TENM4: variants seen among roughly 807,000 people sequenced by gnomAD.
TENM4 encodes teneurin-4.
A neutral mutation model predicts 243.3 loss-of-function variants in TENM4; 82 were observed. The observed-to-expected ratio is 0.34, with a 90% CI of 0.28 to 0.40. TENM4 has a LOEUF of 0.40. Among genes scored for constraint, TENM4 ranks in the 10% least tolerant of loss-of-function variants. The pLI is 1.00. For missense variants in TENM4, 3,138 were observed against 3,673.3 expected (o/e 0.85, Z 3.77); for synonymous variants, 1,412 against 1,456.3 (o/e 0.97, Z 0.69).
chr11:79,176,953 A>C (rs1863171513), intron 3 of TENM4, among the ~76,000 whole-genome samples: 1 of 152,030 alleles, frequency 6.6e-6, no homozygotes, highest in Non-Finnish European at 1.5e-5. Flanking sequence ...TGAAAGGATA[A>C]CATTGCTTTT....
At chr11:78,813,802 C>T (rs1236021903) in intron 13 of TENM4, among the ~76,000 whole-genome samples, 1 of 152,162 alleles carries the variant, frequency 6.6e-6, no homozygotes, top group Non-Finnish European at 1.5e-5. Context: ...AAAAAAGTGG[C>T]CTGGCCTCCT....
chr11:79,002,057 C>A (rs909635726), intron 6 of TENM4, among the ~76,000 whole-genome samples: 1 of 151,794 alleles, frequency 6.6e-6, no homozygotes, highest in African/African-American at 2.4e-5. Flanking sequence ...TGCAAGCATA[C>A]CCCACTGCAC....
chr11:78,748,488 G>A (rs1238669848), intron 19 of TENM4, among the ~76,000 whole-genome samples: 2 of 152,180 alleles, frequency 1.3e-5, no homozygotes, highest in Non-Finnish European at 2.9e-5. Context: ...AGGGCCAGGT[G>A]GGGTGCTAGG....
chr11:79,015,636 G>T (rs1357901379), intron 6 of TENM4, among the ~76,000 whole-genome samples: 2 of 152,116 alleles, frequency 1.3e-5, no homozygotes, highest in Non-Finnish European at 2.9e-5. Context: ...AAGAACCAGA[G>T]AAAGGCGAAA....
In TENM4 at chr11:78,812,144, G is replaced by A. The variant is rs2136101525; in HGVS notation, c.1956C>T (p.Tyr652=). 1 of 1,551,518 alleles carries A rather than the reference G, an allele frequency of 6.4e-7. No homozygotes were observed. The highest frequency in any genetic ancestry group is 1.2e-5 in the South Asian group (1 of 84,044). ...TACCTTCCTCACAGCTCTCGCCCTT[G>A]TAGCCAGGGTTGCAGATGCAGGTGC... ...ITGTCICNPG[Y]KGESCEEVDC... is the part of the protein sequence containing the mutation. Residue 652 remains tyrosine, a synonymous_variant, in exon 14 of 34, where the codon TAC becomes TAT. Coordinates refer to ENST00000278550, the MANE Select transcript of TENM4 (RefSeq NM_001098816.3).
intron 4 of TENM4, among the ~76,000 whole-genome samples, chr11:79,081,289 A>G (rs867275095): frequency 1.3e-5 from 2 of 152,300 alleles, no homozygotes; most frequent in South Asian, 2.1e-4. Context: ...AGGCCCAGAG[A>G]AGATGCTCTG....
At chr11:78,902,978 C>T (rs184475243) in intron 7 of TENM4, among the ~76,000 whole-genome samples, 193 of 152,312 alleles carry the variant, frequency 1.3e-3, no homozygotes, top group Admixed American at 0.012. Context: ...AACATCATGG[C>T]CATTGTGTAG....
intron 6 of TENM4, among the ~76,000 whole-genome samples, chr11:78,915,072 C>A (rs936173843): frequency 6.6e-6 from 1 of 152,240 alleles, no homozygotes; most frequent in African/African-American, 2.4e-5. Context: ...CAGGGTAGCA[C>A]CCCATAGCTC....
intron 12 of TENM4, 131 bp downstream of exon 12, chr11:78,853,973 G>C (rs1321098454): frequency 1.1e-6 from 1 of 875,170 alleles, no homozygotes. Context: ...AGTCAGGAGG[G>C]TCTCGTGCCA....
chr11:78,908,403 A>C (rs1856111302), intron 6 of TENM4, among the ~76,000 whole-genome samples: 1 of 152,250 alleles, frequency 6.6e-6, no homozygotes, highest in African/African-American at 2.4e-5. Flanking sequence ...GGTAACTATT[A>C]ATTCCACAAT....
intron 6 of TENM4, among the ~76,000 whole-genome samples, chr11:78,987,998 G>A (rs1367140595): frequency 6.6e-6 from 1 of 152,184 alleles, no homozygotes; most frequent in African/African-American, 2.4e-5. Flanking sequence ...GTTGAAGATG[G>A]ATGCTGCTGA....
chr11:78,769,064 C>T (rs1856597895), intron 18 of TENM4, among the ~76,000 whole-genome samples: 1 of 152,232 alleles, frequency 6.6e-6, no homozygotes, highest in Non-Finnish European at 1.5e-5. Context: ...AGATGTTCAA[C>T]AGCTGTTTAA....
At chr11:78,879,756 C>T (rs1043076888) in intron 9 of TENM4, among the ~76,000 whole-genome samples, 18 of 150,478 alleles carry the variant, frequency 1.2e-4, no homozygotes, top group South Asian at 6.4e-4. Context: ...AAGTGGGGAG[C>T]GCCTCCACCC....
At chr11:78,925,121 G>C (rs1278894012) in intron 6 of TENM4, among the ~76,000 whole-genome samples, 1 of 152,154 alleles carries the variant, frequency 6.6e-6, no homozygotes, top group Admixed American at 6.5e-5. Context: ...TTCTAACTCT[G>C]ATCTCTTGAC....
chr11:79,130,543 T>G (rs1274141013), intron 4 of TENM4, among the ~76,000 whole-genome samples: 1 of 151,666 alleles, frequency 6.6e-6, no homozygotes, highest in East Asian at 1.9e-4. Flanking sequence ...AGAAAAACAG[T>G]CCAGGTGCAG....
At chr11:79,247,745 A>C (rs1352531802) in intron 2 of TENM4, among the ~76,000 whole-genome samples, 1 of 152,234 alleles carries the variant, frequency 6.6e-6, no homozygotes, top group African/African-American at 2.4e-5. Flanking sequence ...TAGTGACTAC[A>C]TGCTCTCCTT....
At chr11:79,235,820 T>C (rs1264731164) in intron 2 of TENM4, among the ~76,000 whole-genome samples, 1 of 152,180 alleles carries the variant, frequency 6.6e-6, no homozygotes, top group Admixed American at 6.5e-5. Flanking sequence ...CCCCTTGCCC[T>C]CCTTTCTTTG....
In TENM4 at chr11:78,721,118, C is replaced by T. The variant is rs556239571; in HGVS notation, c.3801-728G>A. Among the ~76,000 whole-genome samples, 19 of 152,198 alleles carry T rather than the reference C, an allele frequency of 1.2e-4. No homozygotes were observed. In the South Asian group the frequency reaches 3.3e-3, roughly 27 times the overall value. ...AAGTTGCACAGCTTCTCTGCCGAGG[C>T]GAGCTGATTTCCTCGTCCATGGTGC... On this transcript the variant is annotated intron_variant, in intron 24 of 33. Transcript: ENST00000278550.
Position 79,440,521 on chromosome 11 carries a change from C to A in TENM4, c.-333G>T, listed in dbSNP as rs2135636245. 1 of 152,326 alleles carries A rather than the reference C, an allele frequency of 6.6e-6. No individual in the cohort carries two copies. Among genetic ancestry groups the A allele is most frequent in the African/African-American group, 2.4e-5 (1 of 41,576 alleles). 9.4% of individuals were successfully genotyped at this position (152,326 alleles called of 1,614,324 possible). On this transcript the variant is annotated 5_prime_UTR_variant, in exon 1 of 34. Coordinates refer to ENST00000278550, the MANE Select transcript of TENM4 (RefSeq NM_001098816.3). The surrounding 1 kb of genome is among the most constrained non-coding windows in gnomAD (Gnocchi z 4.7). Reference sequence around the variant, plus strand: ...CACGCCGCCTTACCGTGGCTGCAGGCTGCTACCGCCGGGGAAGCGGCGAGG... The same window carrying A: ...CACGCCGCCTTACCGTGGCTGCAGGATGCTACCGCCGGGGAAGCGGCGAGG...
Sources: allele counts gnomAD v4.1 joint callset (sites outside exome capture counted in the v4.1 genomes callset), GRCh38; gene constraint gnomAD v4.1.1; non-coding constraint Gnocchi (gnomAD v3.1); transcripts MANE v1.5; gene names NCBI Gene and HGNC (gene_info 2026-07-23, HGNC 2026-07-21).